RPGRIP1: variants seen among roughly 807,000 people sequenced by gnomAD.
RPGRIP1 encodes the protein X-linked retinitis pigmentosa GTPase regulator-interacting protein 1.
In RPGRIP1, 128 loss-of-function variants were observed where a neutral mutation model predicts 157.9. That is an observed-to-expected ratio of 0.81 (90% confidence interval 0.70 to 0.94). The LOEUF (loss-of-function observed/expected upper bound fraction) is 0.94, where lower values mean the gene tolerates loss of function less well. Among genes scored for constraint, RPGRIP1 ranks in the 40% least tolerant of loss-of-function variants. The pLI is 0.00. For missense variants in RPGRIP1, 1,486 were observed against 1,545.8 expected (o/e 0.96, Z 0.65); for synonymous variants, 554 against 571.6 (o/e 0.97, Z 0.44).
At chr14:21,332,349 C>A (rs987697423) in intron 20 of RPGRIP1, among the ~76,000 whole-genome samples, 2 of 152,132 alleles carry the variant, frequency 1.3e-5, no homozygotes, top group Non-Finnish European at 2.9e-5. Context: ...ATTATGTAAT[C>A]TGATTTCTCC....
chr14:21,310,704 T>A, intron 8 of RPGRIP1, 97 bp downstream of exon 8: 1 of 695,782 alleles, frequency 1.4e-6, no homozygotes, highest in Non-Finnish European at 2.5e-6. Context: ...CACCAGAATT[T>A]AGCTAACTAA....
chr14:21,339,345 C>T (rs894831611), intron 21 of RPGRIP1, among the ~76,000 whole-genome samples: 1 of 150,646 alleles, frequency 6.6e-6, no homozygotes, highest in African/African-American at 2.4e-5. Flanking sequence ...ACTCGAAAGG[C>T]GGAGAAAGGA....
At chr14:21,313,801 A>G (rs1881645014) in intron 10 of RPGRIP1, among the ~76,000 whole-genome samples, 1 of 151,342 alleles carries the variant, frequency 6.6e-6, no homozygotes, top group African/African-American at 2.4e-5. Flanking sequence ...AAAAAAAAAA[A>G]GATACATTGT....
At chr14:21,335,220 T>C (rs1344104221) in intron 21 of RPGRIP1, among the ~76,000 whole-genome samples, 2 of 151,802 alleles carry the variant, frequency 1.3e-5, no homozygotes, top group Non-Finnish European at 2.9e-5. Flanking sequence ...ATCATTTTCT[T>C]GAGATAGTGT....
chr14:21,320,316 G>A, intron 12 of RPGRIP1, 139 bp downstream of exon 12: 1 of 812,124 alleles, frequency 1.2e-6, no homozygotes. Flanking sequence ...TTTTGAGACA[G>A]AGTCTCGCTG....
intron 2 of RPGRIP1, among the ~76,000 whole-genome samples, chr14:21,292,310 G>A (rs1490384488): frequency 1.4e-5 from 2 of 146,824 alleles, no homozygotes; most frequent in African/African-American, 2.5e-5. Flanking sequence ...TTCTTTGGTT[G>A]GGAAGTTGTA....
chr14:21,321,126 G>C, intron 12 of RPGRIP1, 133 bp from the exon 13 acceptor site: 1 of 864,218 alleles, frequency 1.2e-6, no homozygotes, highest in Non-Finnish European at 1.7e-6. Context: ...AAGTCATACA[G>C]GTCCTTGTTT....
intron 13 of RPGRIP1, 27 bp downstream of exon 13, chr14:21,321,429 G>T: frequency 1.9e-6 from 3 of 1,597,156 alleles, no homozygotes; most frequent in Non-Finnish European, 2.6e-6. Flanking sequence ...TACAGGAAGG[G>T]GATGGATAAC....
chr14:21,297,649 G>T (rs766346002), intron 3 of RPGRIP1, among the ~76,000 whole-genome samples: 3 of 152,086 alleles, frequency 2.0e-5, no homozygotes, highest in Non-Finnish European at 4.4e-5. Flanking sequence ...ATTCATTACA[G>T]CTAGAGAATA....
intron 12 of RPGRIP1, among the ~76,000 whole-genome samples, chr14:21,321,027 C>T (rs921650697): frequency 6.6e-6 from 1 of 152,216 alleles, no homozygotes; most frequent in African/African-American, 2.4e-5. Flanking sequence ...TTGAAAAGAT[C>T]TGTGGAAGAG....
rs1024600671 is a variant in RPGRIP1, at chr14:21,312,442, A to C, written c.1087A>C (p.Arg363=). 1.0e-5 allele frequency: 16 copies of C among 1,606,454 alleles called. No homozygotes were observed. Among genetic ancestry groups the C allele is most frequent in the Non-Finnish European group, 1.0e-5 (12 of 1,174,442 alleles). ...CTACTATCACTCTTAGTTTCAGGAG[A>C]GAGTTGAAGATTTGGAAAAAGAACG... ...LQMTLKEFQE[R]VEDLEKERKL... is the part of the protein sequence containing the mutation. Residue 363 remains arginine (R), a synonymous_variant, in exon 10 of 25, where the codon AGA becomes CGA. Transcript: ENST00000400017.
At chr14:21,341,361 A>G (rs1594260945) in intron 21 of RPGRIP1, among the ~76,000 whole-genome samples, 1 of 152,104 alleles carries the variant, frequency 6.6e-6, no homozygotes, top group East Asian at 1.9e-4. Context: ...AGCACCCCAG[A>G]TGATTCTGAT....
intron 2 of RPGRIP1, among the ~76,000 whole-genome samples, chr14:21,290,368 T>C (rs1056106504): frequency 1.3e-5 from 2 of 152,122 alleles, no homozygotes; most frequent in Non-Finnish European, 2.9e-5. Context: ...CTCATTGTAT[T>C]TTTAAAAAAA....
At chr14:21,304,922 CT>C (rs1881234368) in intron 6 of RPGRIP1, among the ~76,000 whole-genome samples, 2 of 152,208 alleles carry the variant, frequency 1.3e-5, no homozygotes, top group South Asian at 4.1e-4. Context: ...CTGCCTCAGC[CT>C]CCTGAGTAGC....
intron 3 of RPGRIP1, among the ~76,000 whole-genome samples, chr14:21,298,861 A>G (rs1594171123): frequency 6.8e-6 from 1 of 147,880 alleles, no homozygotes; most frequent in African/African-American, 2.5e-5. Context: ...AATCTCTTGA[A>G]CCCGGGAGGC....
chr14:21,294,931 G>A (rs941115329), intron 3 of RPGRIP1, 122 bp downstream of exon 3: 20 of 739,492 alleles, frequency 2.7e-5, no homozygotes, highest in South Asian at 1.7e-4. Flanking sequence ...TGCAACCTCC[G>A]CCTCCAGATT....
chr14:21,340,426 G>A (rs940599930), intron 21 of RPGRIP1, among the ~76,000 whole-genome samples: 1 of 152,190 alleles, frequency 6.6e-6, no homozygotes, highest in African/African-American at 2.4e-5. Flanking sequence ...AGGCCGAGGT[G>A]GGTGGATCAC....
At chr14:21,287,209 C>T (rs1176852026) in intron 1 of RPGRIP1, among the ~76,000 whole-genome samples, 2 of 152,168 alleles carry the variant, frequency 1.3e-5, no homozygotes, top group African/African-American at 4.8e-5. Flanking sequence ...ACCAGTTTTG[C>T]CAACATGGCA....
chr14:21,343,054 A>G lies in RPGRIP1; in HGVS notation c.3358A>G (p.Ile1120Val), dbSNP rs137853911. 1,064 of 1,612,660 alleles carry G rather than the reference A, an allele frequency of 6.6e-4. No individual in the cohort carries two copies. The highest frequency in any genetic ancestry group is 8.5e-4 in the Admixed American group (51 of 59,734). ...YPKADSEKMC[I>V]EIVSLAFYPE... ...TTATCAGGATTCAGAGAAGATGTGC[A>G]TTGAAATTGTCTCCCTGGCCTTCTA... is the stretch of plus-strand genomic sequence containing the variant. The change falls in exon 22 of 25, where the codon ATT (isoleucine) becomes GTT (valine). Residue 1120 changes from isoleucine to valine, a missense_variant. By Grantham distance (29) the Ile-to-Val change is conservative. Coordinates refer to ENST00000400017, the MANE Select transcript of RPGRIP1 (RefSeq NM_020366.4).
Sources: gnomAD v4.1 joint callset for allele counts (sites outside exome capture counted in the v4.1 genomes callset) on GRCh38, gnomAD v4.1.1 for gene constraint, MANE v1.5 for transcripts, NCBI Gene and HGNC (gene_info 2026-07-23, HGNC 2026-07-21) for gene names.